MACROD2: variants seen among roughly 807,000 people sequenced by gnomAD.
MACROD2 encodes ADP-ribose glycohydrolase MACROD2.
In MACROD2, 36 loss-of-function variants were observed where a neutral mutation model predicts 70.4. The ratio of observed to expected loss-of-function variants is 0.51; its 90% confidence interval spans 0.39 to 0.68. MACROD2 has a LOEUF of 0.68. Ranked by LOEUF, MACROD2 falls within the 30% of genes least tolerant of loss-of-function variation. MACROD2 has a pLI of 0.00. For synonymous variants in MACROD2, 172 were observed against 178.8 expected, an observed-to-expected ratio of 0.96 and a Z score of 0.30; for missense variants, 496 against 538.4, an observed-to-expected ratio of 0.92 and a Z score of 0.78.
chr20:14,607,331 T>C (rs1246585098), intron 4 of MACROD2, among the ~76,000 whole-genome samples: 1 of 152,182 alleles, frequency 6.6e-6, no homozygotes, highest in East Asian at 1.9e-4. Context: ...ATTATCTTCA[T>C]AAAATCCAAA....
intron 4 of MACROD2, among the ~76,000 whole-genome samples, chr20:14,534,062 C>T (rs924264070): frequency 1.3e-5 from 2 of 152,004 alleles, no homozygotes; most frequent in African/African-American, 4.8e-5. Flanking sequence ...AAAAAAATAC[C>T]AGTTAAAAGA....
intron 8 of MACROD2, among the ~76,000 whole-genome samples, chr20:15,823,287 T>C (rs1408148813): frequency 2.9e-5 from 4 of 138,746 alleles, no homozygotes; most frequent in Non-Finnish European, 4.6e-5. Context: ...TGTGTGTGTG[T>C]GTGTGTGTGT....
chr20:15,901,502 T>C (rs1214613102), intron 10 of MACROD2, among the ~76,000 whole-genome samples: 1 of 152,200 alleles, frequency 6.6e-6, no homozygotes, highest in East Asian at 1.9e-4. Context: ...GATACCGCAC[T>C]CTAGAGTGGC....
chr20:14,844,944 A>T (rs1192803673), intron 5 of MACROD2, among the ~76,000 whole-genome samples: 3 of 152,010 alleles, frequency 2.0e-5, no homozygotes, highest in Non-Finnish European at 2.9e-5. Flanking sequence ...TATTTCTTAG[A>T]CACAGTCTAC....
At chr20:15,557,782 A>T (rs2048187466) in intron 8 of MACROD2, among the ~76,000 whole-genome samples, 1 of 152,204 alleles carries the variant, frequency 6.6e-6, no homozygotes, top group South Asian at 2.1e-4. Flanking sequence ...CTGTTAGAAT[A>T]TCCCCTGGTC....
At chr20:15,257,429 T>C (rs1568673015) in intron 6 of MACROD2, among the ~76,000 whole-genome samples, 1 of 152,066 alleles carries the variant, frequency 6.6e-6, no homozygotes, top group East Asian at 1.9e-4. Context: ...CCCATGCTGG[T>C]ACTTTGAATA....
chr20:14,459,622 T>C (rs1217846367), intron 3 of MACROD2, among the ~76,000 whole-genome samples: 1 of 152,086 alleles, frequency 6.6e-6, no homozygotes, highest in Non-Finnish European at 1.5e-5. Flanking sequence ...CACTGAATTT[T>C]ACCAGTTCTA....
chr20:15,575,988 T>C (rs917811396), intron 8 of MACROD2, among the ~76,000 whole-genome samples: 89 of 152,250 alleles, frequency 5.8e-4, no homozygotes, highest in African/African-American at 1.7e-3. Context: ...TGTTCACTTA[T>C]GGTTTCATCC....
intron 8 of MACROD2, among the ~76,000 whole-genome samples, chr20:15,573,743 C>G (rs1407509899): frequency 6.6e-6 from 1 of 152,088 alleles, no homozygotes; most frequent in South Asian, 2.1e-4. Context: ...TCCCTATTTT[C>G]CTGATACTCT....
At chr20:14,095,438 G>A (rs1007660181) in intron 3 of MACROD2, among the ~76,000 whole-genome samples, 1 of 152,120 alleles carries the variant, frequency 6.6e-6, no homozygotes, top group Non-Finnish European at 1.5e-5. Context: ...AGAGCTAAAT[G>A]TGCTAAATTG....
At chr20:15,721,660 A>T (rs2050789378) in intron 8 of MACROD2, among the ~76,000 whole-genome samples, 1 of 152,182 alleles carries the variant, frequency 6.6e-6, no homozygotes, top group Non-Finnish European at 1.5e-5. Context: ...ATGATTTTAT[A>T]ACACATATTT....
Position 15,305,556 on chromosome 20 carries a change from A to G in MACROD2, c.540+75495A>G, listed in dbSNP as rs112348967. 9.8e-3 allele frequency among the ~76,000 whole-genome samples: 1,499 copies of G among 152,184 alleles called. 26 individuals are homozygous for G. The highest frequency in any genetic ancestry group is 0.034 in the African/African-American group (1,407 of 41,508). The stretch of plus-strand genomic sequence containing the variant: ...AGTCGAGTTACTGTGACAGCCTGAC[A>G]TGGGCCTCTGGTATCAATGGCTGGG... On this transcript the variant is annotated intron_variant, in intron 6 of 17. Transcript: ENST00000684519.
intron 3 of MACROD2, among the ~76,000 whole-genome samples, chr20:14,215,205 T>C (rs1191313422): frequency 6.6e-6 from 1 of 150,832 alleles, no homozygotes; most frequent in African/African-American, 2.4e-5. Flanking sequence ...CATATATATA[T>C]TCCATCATAT....
chr20:15,001,491 G>A (rs1303112637), intron 5 of MACROD2, among the ~76,000 whole-genome samples: 1 of 152,058 alleles, frequency 6.6e-6, no homozygotes, highest in Non-Finnish European at 1.5e-5. Flanking sequence ...CAAACTCCAG[G>A]TGTTTAACTG....
At chr20:14,083,161 G>A (rs2054022764) in intron 2 of MACROD2, among the ~76,000 whole-genome samples, 1 of 150,564 alleles carries the variant, frequency 6.6e-6, no homozygotes, top group African/African-American at 2.4e-5. Flanking sequence ...GCCAGGTGTG[G>A]TGGCTCGCGC....
intron 5 of MACROD2, among the ~76,000 whole-genome samples, chr20:14,899,097 G>A (rs1486999889): frequency 2.0e-5 from 3 of 152,096 alleles, no homozygotes; most frequent in Non-Finnish European, 4.4e-5. Flanking sequence ...CTGTGACAAA[G>A]GCAGAGTTGT....
At chr20:15,604,268 T>C (rs2048863169) in intron 8 of MACROD2, among the ~76,000 whole-genome samples, 1 of 152,220 alleles carries the variant, frequency 6.6e-6, no homozygotes, top group African/African-American at 2.4e-5. Context: ...TTTGGTTCCC[T>C]TCTTTTCTCC....
intron 5 of MACROD2, among the ~76,000 whole-genome samples, chr20:14,768,406 T>G (rs2072120257): frequency 6.6e-6 from 1 of 152,260 alleles, no homozygotes; most frequent in Admixed American, 6.5e-5. Flanking sequence ...ATTTGGGAAT[T>G]GATATCAGTT....
chr20:14,489,278 G>A (rs1411789106), intron 3 of MACROD2, among the ~76,000 whole-genome samples: 2 of 152,284 alleles, frequency 1.3e-5, no homozygotes, highest in Middle Eastern at 3.4e-3. Context: ...CATAGACAGA[G>A]GCCTGTTGCC....
Sources: gnomAD v4.1 joint callset for allele counts (sites outside exome capture counted in the v4.1 genomes callset) on GRCh38, gnomAD v4.1.1 for gene constraint, MANE v1.5 for transcripts, NCBI Gene and HGNC (gene_info 2026-07-23, HGNC 2026-07-21) for gene names.